NRG3: variants seen among roughly 807,000 people sequenced by gnomAD.
NRG3 encodes the protein neuregulin 3.
In NRG3, 31 loss-of-function variants were observed where a neutral mutation model predicts 66.9. The ratio of observed to expected loss-of-function variants is 0.46; its 90% CI spans 0.35 to 0.63. The LOEUF (loss-of-function observed/expected upper bound fraction) is 0.63, where lower values mean the gene tolerates loss of function less well. Ranked by LOEUF, NRG3 falls within the 20% of genes least tolerant of loss-of-function variation. The probability of loss-of-function intolerance (pLI) is 0.00; values close to 1 mark genes in which losing one functional copy is unlikely to be tolerated. For synonymous variants in NRG3, 393 were observed against 359.4 expected (o/e 1.09, Z -1.06); for missense variants, 910 against 878.9 (o/e 1.04, Z -0.45).
At chr10:82,066,447 GT>G (rs749720121) in intron 1 of NRG3, among the ~76,000 whole-genome samples, 29 of 152,070 alleles carry the variant, frequency 1.9e-4, no homozygotes, top group Non-Finnish European at 3.7e-4. Context: ...ATTTCTTACT[GT>G]TACGTACTTT....
intron 1 of NRG3, chr10:81,878,107 T>C: frequency 6.6e-7 from 1 of 1,522,264 alleles, no homozygotes; most frequent in Non-Finnish European, 8.8e-7. Flanking sequence ...TAATTATTTC[T>C]ACCCCTCTAT....
At position 82,979,044 on chromosome 10, in the gene NRG3, G is replaced by C. The variant is rs757435768; in HGVS notation, c.1507G>C (p.Gly503Arg). ...ACCCCCGTCACCCCGAAGTAGGCTA[G>C]GTGGAATTGTGGGACCAGCATATCA... ...RTPPSPRSRLGGIVGPAYQQL... is the reference protein window; with the variant it reads ...RTPPSPRSRLRGIVGPAYQQL... Residue 503 changes from glycine (G) to arginine (R), a missense_variant, in exon 8 of 9, where the codon GGT (glycine) becomes CGT (arginine). Transcript: ENST00000372141. 4 of 1,614,124 alleles carry C rather than the reference G, an allele frequency of 2.5e-6. No individual in the cohort carries two copies. The highest frequency in any genetic ancestry group is 3.4e-6 in the Non-Finnish European group (4 of 1,179,990).
At chr10:82,353,222 C>T (rs1224867025) in intron 1 of NRG3, among the ~76,000 whole-genome samples, 2 of 152,024 alleles carry the variant, frequency 1.3e-5, no homozygotes, top group Non-Finnish European at 2.9e-5. Flanking sequence ...TTTGGGATGT[C>T]CATCAAGAGG....
chr10:82,038,339 T>C (rs2062885136), intron 1 of NRG3, among the ~76,000 whole-genome samples: 1 of 152,160 alleles, frequency 6.6e-6, no homozygotes, highest in African/African-American at 2.4e-5. Context: ...CTGAGCCCTT[T>C]CCAAACACCA....
chr10:82,569,422 C>T (rs2045599799), intron 2 of NRG3, among the ~76,000 whole-genome samples: 1 of 151,646 alleles, frequency 6.6e-6, no homozygotes, highest in East Asian at 1.9e-4. Flanking sequence ...ACTGATTTTC[C>T]CCTTCTGTCT....
intron 2 of NRG3, among the ~76,000 whole-genome samples, chr10:82,673,873 G>A (rs2053478956): frequency 1.3e-5 from 2 of 152,162 alleles, no homozygotes; most frequent in South Asian, 4.1e-4. Flanking sequence ...CCAGTGTCAT[G>A]AATTCAAATG....
At chr10:82,675,974 C>G (rs562984977) in intron 2 of NRG3, among the ~76,000 whole-genome samples, 1 of 152,020 alleles carries the variant, frequency 6.6e-6, no homozygotes, top group African/African-American at 2.4e-5. Flanking sequence ...AATATTCACA[C>G]GATGTTTCTG....
At chr10:82,950,004 AAGTTCTCAAAGTGTGTTTC>A (rs1290329702) in intron 4 of NRG3, among the ~76,000 whole-genome samples, 2 of 152,162 alleles carry the variant, frequency 1.3e-5, no homozygotes, top group Non-Finnish European at 2.9e-5. Flanking sequence ...GTCTGCTCAA[AAGTTCTCAAAGTGTGTTTC>A]TCAGACCAGT....
chr10:82,674,743 C>T (rs367558771), intron 2 of NRG3, among the ~76,000 whole-genome samples: 4 of 151,828 alleles, frequency 2.6e-5, no homozygotes, highest in Non-Finnish European at 4.4e-5. Context: ...GATGAAGTCC[C>T]GTTTTGTTCC....
chr10:82,535,213 T>C lies in NRG3; in HGVS notation c.953+176345T>C, dbSNP rs180729697. On this transcript the variant is annotated intron_variant, in intron 2 of 8. Transcript: ENST00000372141. Reference sequence around the variant, plus strand: ...AGCCATACGAGATACAGTCCTTATATCAAAGCATAATCTAGTGAGGAAAAT... The same window carrying C: ...AGCCATACGAGATACAGTCCTTATACCAAAGCATAATCTAGTGAGGAAAAT... Among the ~76,000 whole-genome samples the C allele has an allele frequency of 1.0e-4, 15 of 149,108 alleles. No homozygotes were observed. In the East Asian group the frequency reaches 2.9e-3, roughly 29 times the overall value.
intron 2 of NRG3, among the ~76,000 whole-genome samples, chr10:82,561,527 C>T (rs540686800): frequency 6.6e-6 from 1 of 152,216 alleles, no homozygotes; most frequent in South Asian, 2.1e-4. Context: ...GTGGTAGACA[C>T]CTGTGGTCCC....
chr10:82,922,943 C>A lies in NRG3; in HGVS notation c.1055-28526C>A, dbSNP rs1846593825. On this transcript the variant is annotated intron_variant, in intron 4 of 8. Coordinates refer to ENST00000372141, the MANE Select transcript of NRG3 (RefSeq NM_001010848.4). ...TCCTCTCTCTCATCTGACTTGCAAT[C>A]CCCAAATCCAGTTGATTCCAATGTT... Among the ~76,000 whole-genome samples, 4 of 152,162 alleles carry A rather than the reference C, an allele frequency of 2.6e-5. No individual in the cohort carries two copies. The South Asian group carries it at 8.3e-4, about 31-fold the overall frequency.
intron 1 of NRG3, among the ~76,000 whole-genome samples, chr10:81,976,734 A>T (rs2060138854): frequency 6.6e-6 from 1 of 152,204 alleles, no homozygotes; most frequent in African/African-American, 2.4e-5. Flanking sequence ...TTTGGTATGA[A>T]TGTGCAATTC....
intron 1 of NRG3, among the ~76,000 whole-genome samples, chr10:82,094,999 G>C (rs2066247202): frequency 6.6e-6 from 1 of 152,024 alleles, no homozygotes; most frequent in Non-Finnish European, 1.5e-5. Flanking sequence ...ATATTCATGT[G>C]GCATAACTGG....
intron 1 of NRG3, among the ~76,000 whole-genome samples, chr10:82,254,775 C>T (rs879794108): frequency 5.9e-5 from 9 of 151,794 alleles, no homozygotes; most frequent in South Asian, 2.1e-4. Flanking sequence ...ATTTGAGCAA[C>T]AAAATAAATA....
At chr10:82,695,209 T>G (rs2055276497) in intron 2 of NRG3, among the ~76,000 whole-genome samples, 1 of 152,158 alleles carries the variant, frequency 6.6e-6, no homozygotes, top group Admixed American at 6.6e-5. Flanking sequence ...TTAAAATATA[T>G]ATTTAACGTA....
intron 3 of NRG3, among the ~76,000 whole-genome samples, chr10:82,763,578 C>T (rs569988552): frequency 9.5e-4 from 145 of 151,900 alleles, no homozygotes; most frequent in African/African-American, 3.2e-3. Context: ...AATTAATATA[C>T]GAGTAAAGAA....
intron 4 of NRG3, among the ~76,000 whole-genome samples, chr10:82,866,114 T>C (rs942984636): frequency 1.3e-5 from 2 of 152,102 alleles, no homozygotes; most frequent in Non-Finnish European, 2.9e-5. Context: ...AGAAAGAACA[T>C]TTCATAAAGT....
intron 1 of NRG3, among the ~76,000 whole-genome samples, chr10:82,342,314 T>G (rs2082725620): frequency 6.6e-6 from 1 of 152,110 alleles, no homozygotes; most frequent in African/African-American, 2.4e-5. Flanking sequence ...CAAATGGTAG[T>G]TCTATTTTTA....
Sources: gnomAD v4.1 joint callset for allele counts (sites outside exome capture counted in the v4.1 genomes callset) on GRCh38, gnomAD v4.1.1 for gene constraint, MANE v1.5 for transcripts, NCBI Gene and HGNC (gene_info 2026-07-23, HGNC 2026-07-21) for gene names.